Variants in INTS2 observed in about 807,000 individuals in gnomAD.
INTS2 encodes integrator complex subunit 2.
A neutral mutation model predicts 139.6 loss-of-function variants in INTS2; 57 were observed. The observed-to-expected ratio is 0.41, with a 90% CI of 0.33 to 0.51. INTS2 has a LOEUF of 0.51. Among genes scored for constraint, INTS2 ranks in the 20% least tolerant of loss-of-function variants. The pLI is 0.28. For missense variants in INTS2, 1,196 were observed against 1,436.7 expected (o/e 0.83, Z 2.71); for synonymous variants, 473 against 493.4 (o/e 0.96, Z 0.55).
intron 9 of INTS2, among the ~76,000 whole-genome samples, chr17:61,898,861 G>A (rs570660410): frequency 3.3e-5 from 5 of 151,930 alleles, no homozygotes; most frequent in Non-Finnish European, 5.9e-5. Context: ...TGACTGACCC[G>A]CCTCAGCCTC....
rs1278646750 is a variant in INTS2 at position 61,867,119 on chromosome 17, T to C, written c.*438A>G. On this transcript the variant is annotated 3_prime_UTR_variant, in exon 25 of 25. Coordinates refer to ENST00000251334, the MANE Select transcript of INTS2 (RefSeq NM_001351695.2). This position sits in a 1 kb window ranked among gnomAD's most constrained non-coding sequence, Gnocchi z 5.6. ...TTATTTCCTTAATTCTCCTTTCCCTTTACCCTTTTTTCCTCTCCCATCTTT... is the reference window on the plus strand; with the variant it reads ...TTATTTCCTTAATTCTCCTTTCCCTCTACCCTTTTTTCCTCTCCCATCTTT... 1 of 152,566 alleles carries C rather than the reference T, an allele frequency of 6.6e-6. No homozygotes were observed. The highest frequency in any genetic ancestry group is 1.5e-5 in the Non-Finnish European group (1 of 68,296). 9.5% of individuals were successfully genotyped at this position (152,566 alleles called of 1,614,324 possible).
intron 15 of INTS2, among the ~76,000 whole-genome samples, chr17:61,886,205 C>T (rs2079227424): frequency 6.6e-6 from 1 of 152,146 alleles, no homozygotes; most frequent in African/African-American, 2.4e-5. Flanking sequence ...TGCCCGCCAC[C>T]ACGCCTAGCT....
Position 61,876,870 on chromosome 17 carries a change from T to C in INTS2, c.2456+1017A>G, listed in dbSNP as rs375383372. On this transcript the variant is annotated intron_variant, in intron 18 of 24. Coordinates refer to ENST00000251334, the MANE Select transcript of INTS2 (RefSeq NM_001351695.2). The surrounding 1 kb of genome is among the most constrained non-coding windows in gnomAD (Gnocchi z 4.1). ...ATACCAATTTAAAAAACTGAGCAAA[T>C]AGAAAAAAGGTATTAACTAACCCAA... Among the ~76,000 whole-genome samples, 14 of 152,136 alleles carry C rather than the reference T, an allele frequency of 9.2e-5. No homozygotes were observed. In the East Asian group the frequency reaches 1.9e-3, roughly 21 times the overall value.
At chr17:61,903,702 A>T (rs2079432334) in intron 9 of INTS2, among the ~76,000 whole-genome samples, 1 of 152,168 alleles carries the variant, frequency 6.6e-6, no homozygotes, top group Non-Finnish European at 1.5e-5. Context: ...GAAGTAAAAA[A>T]TAATCATATA....
In INTS2 at chr17:61,893,882, T is replaced by C; in HGVS notation, c.1581A>G (p.Ala527=). ...GGTTGCTGGTGACAGGGACCCGAACTGCATGAGCTGTGACAACCTAAAAGG... is the reference window on the plus strand; with the variant it reads ...GGTTGCTGGTGACAGGGACCCGAACCGCATGAGCTGTGACAACCTAAAAGG... ...IFTEQVVTAH[A]VRVPVTSNLS... is the part of the protein sequence containing the mutation. Residue 527 remains alanine (A), a synonymous_variant, in exon 13 of 25, where the codon GCA becomes GCG. Transcript: ENST00000251334. The surrounding 1 kb of genome is among the most constrained non-coding windows in gnomAD (Gnocchi z 5.4). 6.4e-7 allele frequency: 1 copy of C among 1,571,570 alleles called. No individual in the cohort carries two copies. The highest frequency in any genetic ancestry group is 1.4e-5 in the African/African-American group (1 of 73,798).
At chr17:61,879,289 T>C (rs1223441088) in intron 17 of INTS2, among the ~76,000 whole-genome samples, 4 of 152,102 alleles carry the variant, frequency 2.6e-5, no homozygotes, top group African/African-American at 9.7e-5. Context: ...CTAACATTTA[T>C]TTGAAAGGCT....
At chr17:61,905,803 T>C (rs2079456875) in intron 8 of INTS2, among the ~76,000 whole-genome samples, 1 of 152,146 alleles carries the variant, frequency 6.6e-6, no homozygotes, top group African/African-American at 2.4e-5. Flanking sequence ...GTTCCAGTGA[T>C]TCTCCTGCCT....
At chr17:61,901,615 T>A (rs868062855) in intron 9 of INTS2, among the ~76,000 whole-genome samples, 1 of 110,900 alleles carries the variant, frequency 9.0e-6, no homozygotes, top group African/African-American at 3.2e-5. Context: ...TTTTTTTTTT[T>A]CTGAGATGCA....
In INTS2 at chr17:61,871,985, T is replaced by C; in HGVS notation, c.2778+280A>G. On this transcript the variant is annotated intron_variant, in intron 20 of 24. Transcript: ENST00000251334. The surrounding 1 kb of genome is among the most constrained non-coding windows in gnomAD (Gnocchi z 4.9). ...TGCCGAATGAATAAACATGTAACTC[T>C]AAACTCAGAATAGGTAAACACTTAA... 1 of 262,280 alleles carries C rather than the reference T, an allele frequency of 3.8e-6. No homozygotes were observed. The highest frequency in any genetic ancestry group is 1.6e-4 in the South Asian group (1 of 6,112). The allele number at this position is 262,280 out of a possible 1,614,324, so 16.2% of individuals were successfully genotyped here.
chr17:61,920,486 C>CT (rs1187583288), intron 4 of INTS2, among the ~76,000 whole-genome samples: 17,471 of 106,270 alleles, frequency 0.16, 1,956 homozygotes, highest in Non-Finnish European at 0.25. Context: ...CTGGCCTATA[C>CT]TTTTTTTTTT....
At chr17:61,887,832 C>G (rs1361591194) in intron 15 of INTS2, among the ~76,000 whole-genome samples, 2 of 151,538 alleles carry the variant, frequency 1.3e-5, no homozygotes. Flanking sequence ...GTGTGTGGAT[C>G]ACTTGAGGTC....
At chr17:61,891,733 G>A in intron 13 of INTS2, 44 bp from the exon 14 acceptor site, 7 of 1,355,438 alleles carry the variant, frequency 5.2e-6, no homozygotes, top group South Asian at 2.8e-5. Flanking sequence ...GTGGCAAAAA[G>A]AAAAACCAAG....
intron 15 of INTS2, 135 bp from the exon 16 acceptor site, chr17:61,885,140 G>C (rs1282459479): frequency 9.6e-6 from 6 of 626,246 alleles, no homozygotes; most frequent in Non-Finnish European, 1.7e-5. Flanking sequence ...GCATATAAAA[G>C]ATGAAGAATC....
chr17:61,923,325 AG>A (rs1289213611), intron 3 of INTS2, among the ~76,000 whole-genome samples: 3 of 149,910 alleles, frequency 2.0e-5, no homozygotes, highest in African/African-American at 4.9e-5. Flanking sequence ...AAAATACAAA[AG>A]ATTAGCCAGG....
At chr17:61,908,992 T>C (rs1045712079) in intron 7 of INTS2, among the ~76,000 whole-genome samples, 3 of 152,318 alleles carry the variant, frequency 2.0e-5, no homozygotes, top group East Asian at 1.9e-4. Context: ...ATTCACATAG[T>C]TAATATAAAT....
Position 61,909,130 on chromosome 17 carries a change from T to G in INTS2, c.955-1496A>C, listed in dbSNP as rs2079496447. The stretch of plus-strand genomic sequence containing the variant: ...ATGGAATATTATTTTTCTTTTTTTT[T>G]GAGACCGAGTCCTGCTCTGTCACCA... On this transcript the variant is annotated intron_variant, in intron 7 of 24. Coordinates refer to ENST00000251334, the MANE Select transcript of INTS2 (RefSeq NM_001351695.2). This position sits in a 1 kb window ranked among gnomAD's most constrained non-coding sequence, Gnocchi z 4.9. 6.6e-6 allele frequency among the ~76,000 whole-genome samples: 1 copy of G among 152,130 alleles called. No homozygotes were observed. Among genetic ancestry groups the G allele is most frequent in the South Asian group, 2.1e-4 (1 of 4,820 alleles).
At chr17:61,901,435 T>A (rs77293267) in intron 9 of INTS2, among the ~76,000 whole-genome samples, 2 of 151,066 alleles carry the variant, frequency 1.3e-5, no homozygotes, top group Non-Finnish European at 2.9e-5. Context: ...ATGACTAATA[T>A]CAAAGAAATT....
At chr17:61,917,736 C>A (rs1443244592) in intron 5 of INTS2, among the ~76,000 whole-genome samples, 2 of 152,068 alleles carry the variant, frequency 1.3e-5, no homozygotes, top group Non-Finnish European at 2.9e-5. Flanking sequence ...ATACAATATA[C>A]CCATGTAACA....
intron 9 of INTS2, among the ~76,000 whole-genome samples, chr17:61,901,577 CTTTTTTTTTTTTTTTTTTTTTTTT>C (rs55751869): frequency 2.0e-5 from 1 of 49,448 alleles, no homozygotes; most frequent in African/African-American, 1.1e-4. Context: ...AGAATGATTT[CTTTTTTTTTTTTTTTTTTTTTTTT>C]TTTTTTTTTT....
Sources: allele counts gnomAD v4.1 joint callset (sites outside exome capture counted in the v4.1 genomes callset), GRCh38; gene constraint gnomAD v4.1.1; non-coding constraint Gnocchi (gnomAD v3.1); transcripts MANE v1.5; gene names NCBI Gene and HGNC (gene_info 2026-07-23, HGNC 2026-07-21).